GCNT2: variants seen among roughly 807,000 people sequenced by gnomAD.
GCNT2 encodes the protein N-acetyllactosaminide beta-1,6-N-acetylglucosaminyl-transferase.
In GCNT2, 34 loss-of-function variants were observed where a neutral mutation model predicts 34.2. The observed-to-expected ratio is 1.00, with a 90% CI of 0.76 to 1.32. The LOEUF (loss-of-function observed/expected upper bound fraction) is 1.32. GCNT2 is among the 40% of genes most tolerant of loss of function. The probability of loss-of-function intolerance (pLI) is 0.00; values close to 1 mark genes in which losing one functional copy is unlikely to be tolerated. For missense variants in GCNT2, 584 were observed against 489.4 expected (o/e 1.19, Z -1.82); for synonymous variants, 212 against 188.0 (o/e 1.13, Z -1.04).
Position 10,565,435 on chromosome 6 carries a change from T to A in GCNT2, c.925+35599T>A, listed in dbSNP as rs372259974. ...GCTGCAAGTCCGCCTTTCTTCATGG[T>A]CCAGGACACAACCTCCTGAGCCAAT... is the stretch of plus-strand genomic sequence containing the variant. On this transcript the variant is annotated intron_variant, in intron 3 of 4. Coordinates refer to ENST00000495262, the MANE Select transcript of GCNT2 (RefSeq NM_145649.5). Among the ~76,000 whole-genome samples the A allele has an allele frequency of 5.9e-5, 9 of 152,148 alleles. No individual in the cohort carries two copies. The East Asian group carries it at 1.2e-3, about 20-fold the overall frequency.
Position 10,559,343 on chromosome 6 carries a change from T to C in GCNT2, c.925+29507T>C, listed in dbSNP as rs376622783. Among the ~76,000 whole-genome samples, 84 of 152,310 alleles carry C rather than the reference T, an allele frequency of 5.5e-4. 2 individuals carry two copies. The South Asian group carries it at 0.013, about 23-fold the overall frequency. On this transcript the variant is annotated intron_variant, in intron 3 of 4. Coordinates refer to ENST00000495262, the MANE Select transcript of GCNT2 (RefSeq NM_145649.5). Reference sequence around the variant, plus strand: ...GGGTAGAGGAGAGAATGCTACCTTTTCTTCTCTTTTTTAGGAGAGAGAACA... The same window carrying C: ...GGGTAGAGGAGAGAATGCTACCTTTCCTTCTCTTTTTTAGGAGAGAGAACA...
chr6:10,541,324 C>T (rs897736766), intron 3 of GCNT2, among the ~76,000 whole-genome samples: 21 of 152,150 alleles, frequency 1.4e-4, no homozygotes, highest in African/African-American at 5.1e-4. Flanking sequence ...CTATCCATGT[C>T]CCTGCAAAGG....
chr6:10,608,073 CTT>C (rs576372819), intron 3 of GCNT2, among the ~76,000 whole-genome samples: 1,741 of 124,690 alleles, frequency 0.014, 25 homozygotes, highest in African/African-American at 0.052. Flanking sequence ...ATGGTATGCA[CTT>C]TTTTTTTTTT....
chr6:10,528,627 G>A lies in GCNT2; in HGVS notation c.-281-4G>A. The A allele has an allele frequency of 2.1e-6, 1 of 484,814 alleles. No homozygotes were observed. Among genetic ancestry groups the A allele is most frequent in the Non-Finnish European group, 3.8e-6 (1 of 266,208 alleles). The allele number at this position is 484,814 out of a possible 1,614,324, so 30.0% of individuals were successfully genotyped here. On this transcript the variant is annotated splice_region_variant and splice_polypyrimidine_tract_variant and intron_variant, in intron 2 of 4. Coordinates refer to ENST00000495262, the MANE Select transcript of GCNT2 (RefSeq NM_145649.5). Reference sequence around the variant, plus strand: ...CCTCTCTGAGGACATCTGTTTTTGTGTAGACACAGGTTGCAGGTTAGCAGG... The same window carrying A: ...CCTCTCTGAGGACATCTGTTTTTGTATAGACACAGGTTGCAGGTTAGCAGG...
At chr6:10,530,954 T>C (rs496132) in intron 3 of GCNT2, among the ~76,000 whole-genome samples, 15,541 of 151,018 alleles carry the variant, frequency 0.1, 875 homozygotes, top group Middle Eastern at 0.15. Flanking sequence ...CTCAGAAGGC[T>C]GAGGCAGTAG....
intron 3 of GCNT2, among the ~76,000 whole-genome samples, chr6:10,536,768 A>G (rs1213771865): frequency 1.3e-5 from 2 of 148,656 alleles, no homozygotes; most frequent in South Asian, 2.2e-4. Flanking sequence ...CAGTGGCGCA[A>G]TCTCGGCTCA....
intron 3 of GCNT2, among the ~76,000 whole-genome samples, chr6:10,537,416 A>T (rs960239487): frequency 2.0e-5 from 3 of 151,968 alleles, no homozygotes; most frequent in South Asian, 4.1e-4. Flanking sequence ...AAATGCATTT[A>T]ATGGCCACGT....
intron 3 of GCNT2, among the ~76,000 whole-genome samples, chr6:10,532,907 G>C (rs1371228668): frequency 7.3e-6 from 1 of 137,698 alleles, no homozygotes; most frequent in Non-Finnish European, 1.5e-5. Flanking sequence ...ATATGTTGTG[G>C]TTTTTGCTTT....
chr6:10,585,078 T>C (rs13208316), intron 3 of GCNT2, among the ~76,000 whole-genome samples: 6,342 of 87,304 alleles, frequency 0.073, 253 homozygotes, highest in East Asian at 0.21. Flanking sequence ...TGTGTGTGTG[T>C]GCGCGCTATA....
At chr6:10,570,094 C>T (rs974701073) in intron 3 of GCNT2, among the ~76,000 whole-genome samples, 2 of 152,048 alleles carry the variant, frequency 1.3e-5, no homozygotes, top group Admixed American at 1.3e-4. Context: ...CACCACCATG[C>T]CCAGCTAATT....
chr6:10,581,255 A>G (rs921908151), intron 3 of GCNT2, among the ~76,000 whole-genome samples: 1 of 152,004 alleles, frequency 6.6e-6, no homozygotes, highest in African/African-American at 2.4e-5. Context: ...TGTTTTATGT[A>G]TGTATTTATT....
rs1044007134 is a variant in GCNT2 at position 10,535,759 on chromosome 6, T to C, written c.925+5923T>C. 2.0e-5 allele frequency among the ~76,000 whole-genome samples: 3 copies of C among 152,202 alleles called. No individual in the cohort carries two copies. In the East Asian group the frequency reaches 5.8e-4, roughly 29 times the overall value. On this transcript the variant is annotated intron_variant, in intron 3 of 4. Transcript: ENST00000495262. The stretch of plus-strand genomic sequence containing the variant: ...AAAACAGCCTTTCCTGGGAGCAGGC[T>C]TTGTGGGCGGTGGGAGGAAGGAGTG...
At chr6:10,620,434 G>T (rs1203341617) in intron 3 of GCNT2, among the ~76,000 whole-genome samples, 1 of 151,282 alleles carries the variant, frequency 6.6e-6, no homozygotes, top group African/African-American at 2.4e-5. Context: ...TGAGACAGGG[G>T]CCTGCTCTGT....
At chr6:10,574,193 A>T (rs1763684788) in intron 3 of GCNT2, among the ~76,000 whole-genome samples, 1 of 152,176 alleles carries the variant, frequency 6.6e-6, no homozygotes, top group East Asian at 1.9e-4. Context: ...AAATGGTGGC[A>T]TCTGACTGCC....
intron 3 of GCNT2, chr6:10,556,403 C>A (rs1457013594): frequency 1.2e-5 from 19 of 1,613,496 alleles, no homozygotes; most frequent in Non-Finnish European, 1.6e-5. Flanking sequence ...GGTCTCTTGA[C>A]ATTTCACCCT....
At chr6:10,551,553 C>A (rs1244335333) in intron 3 of GCNT2, among the ~76,000 whole-genome samples, 2 of 150,962 alleles carry the variant, frequency 1.3e-5, no homozygotes, top group African/African-American at 4.9e-5. Context: ...TCAAGCAATT[C>A]TCTGCCTCAG....
intron 3 of GCNT2, among the ~76,000 whole-genome samples, chr6:10,614,625 C>CAAAAAA (rs34015959): frequency 8.5e-5 from 9 of 105,930 alleles, no homozygotes; most frequent in African/African-American, 4.2e-4. Flanking sequence ...GACTCTGTCT[C>CAAAAAA]AAAAAAAAAA....
At chr6:10,552,219 C>T (rs1466925710) in intron 3 of GCNT2, among the ~76,000 whole-genome samples, 2 of 151,462 alleles carry the variant, frequency 1.3e-5, no homozygotes, top group African/African-American at 4.9e-5. Context: ...GTCTTTGTTA[C>T]GGGAGGATTG....
chr6:10,586,653 C>T (rs756221090), intron 3 of GCNT2: 5 of 1,614,074 alleles, frequency 3.1e-6, no homozygotes, highest in Middle Eastern at 1.6e-4. Flanking sequence ...GGTGCTGCCT[C>T]CTGACCATGC....
Sources: gnomAD v4.1 joint callset for allele counts (sites outside exome capture counted in the v4.1 genomes callset) on GRCh38, gnomAD v4.1.1 for gene constraint, MANE v1.5 for transcripts, NCBI Gene and HGNC (gene_info 2026-07-23, HGNC 2026-07-21) for gene names.